Variants in GPC6 observed in about 807,000 individuals in gnomAD.
GPC6 encodes glypican-6.
Under a neutral mutation model 55.2 loss-of-function variants are expected in GPC6, and 14 were observed. The ratio of observed to expected loss-of-function variants is 0.25; its 90% CI spans 0.17 to 0.40. The LOEUF is 0.40. GPC6 is among the 10% of genes least tolerant of loss of function. The probability of loss-of-function intolerance (pLI) is 1.00; values close to 1 mark genes in which losing one functional copy is unlikely to be tolerated. For synonymous variants in GPC6, 278 were observed against 259.6 expected, an observed-to-expected ratio of 1.07 and a Z score of -0.68; for missense variants, 641 against 708.5, an observed-to-expected ratio of 0.90 and a Z score of 1.08.
intron 2 of GPC6, among the ~76,000 whole-genome samples, chr13:93,719,823 T>G (rs1883389027): frequency 6.6e-6 from 1 of 152,170 alleles, no homozygotes; most frequent in Non-Finnish European, 1.5e-5. Flanking sequence ...AGGCCTTTTC[T>G]GCATCTATTG....
At chr13:93,685,316 G>T (rs1015806370) in intron 2 of GPC6, among the ~76,000 whole-genome samples, 1 of 152,126 alleles carries the variant, frequency 6.6e-6, no homozygotes, top group Non-Finnish European at 1.5e-5. Context: ...CAAGTCTCAC[G>T]CTTTGTGAGG....
chr13:93,406,767 C>T (rs1876304722), intron 1 of GPC6, among the ~76,000 whole-genome samples: 1 of 152,046 alleles, frequency 6.6e-6, no homozygotes, highest in African/African-American at 2.4e-5. Context: ...TATGCAACTC[C>T]CATGTACCAT....
intron 4 of GPC6, among the ~76,000 whole-genome samples, chr13:94,068,882 G>A (rs942507352): frequency 2.0e-5 from 3 of 152,116 alleles, no homozygotes; most frequent in Non-Finnish European, 4.4e-5. Flanking sequence ...TCCCTTCACG[G>A]GCTAGCATTG....
At chr13:93,529,664 C>T (rs1403951183) in intron 1 of GPC6, among the ~76,000 whole-genome samples, 3 of 151,520 alleles carry the variant, frequency 2.0e-5, no homozygotes, top group African/African-American at 4.9e-5. Flanking sequence ...TTACAGGTGC[C>T]CGCCACCACG....
chr13:93,762,453 A>C (rs1884985533), intron 2 of GPC6, among the ~76,000 whole-genome samples: 1 of 152,176 alleles, frequency 6.6e-6, no homozygotes, highest in Admixed American at 6.6e-5. Flanking sequence ...ACCTGTGGTC[A>C]GTGTAAAAGC....
intron 4 of GPC6, among the ~76,000 whole-genome samples, chr13:94,046,031 G>A (rs1236737259): frequency 1.3e-5 from 2 of 151,858 alleles, no homozygotes; most frequent in African/African-American, 4.8e-5. Context: ...TGCTAGATTT[G>A]GCTCACACAA....
chr13:94,328,903 G>T (rs1246396420), intron 6 of GPC6, among the ~76,000 whole-genome samples: 2 of 152,160 alleles, frequency 1.3e-5, no homozygotes, highest in Non-Finnish European at 2.9e-5. Context: ...AACTGCAGAG[G>T]CCCTGCAGTC....
chr13:94,355,311 C>T (rs946399435), intron 6 of GPC6, among the ~76,000 whole-genome samples: 9 of 148,408 alleles, frequency 6.1e-5, no homozygotes, highest in East Asian at 2.2e-4. Context: ...GGGTGAGCCA[C>T]GGCGCCCGGC....
At chr13:93,434,747 G>A (rs930515312) in intron 1 of GPC6, among the ~76,000 whole-genome samples, 80 of 152,128 alleles carry the variant, frequency 5.3e-4, no homozygotes, top group African/African-American at 1.9e-3. Flanking sequence ...TCGTTCTGTC[G>A]CCAGGCTGGA....
At chr13:94,163,301 A>G (rs1888232538) in intron 4 of GPC6, among the ~76,000 whole-genome samples, 1 of 151,354 alleles carries the variant, frequency 6.6e-6, no homozygotes, top group Admixed American at 6.6e-5. Flanking sequence ...CGTGCTGGCC[A>G]GTTTTGTTTC....
intron 6 of GPC6, among the ~76,000 whole-genome samples, chr13:94,379,313 G>A (rs1166605485): frequency 6.6e-6 from 1 of 152,080 alleles, no homozygotes; most frequent in Non-Finnish European, 1.5e-5. Context: ...CAGGTGAATT[G>A]GCCAGTGTTT....
chr13:94,058,300 T>A (rs1374127299), intron 4 of GPC6, among the ~76,000 whole-genome samples: 1 of 152,228 alleles, frequency 6.6e-6, no homozygotes, highest in Non-Finnish European at 1.5e-5. Flanking sequence ...ATTTTTTCCA[T>A]CTGCCAATGG....
intron 7 of GPC6, among the ~76,000 whole-genome samples, chr13:94,393,889 G>A (rs1158491146): frequency 6.6e-6 from 1 of 152,106 alleles, no homozygotes; most frequent in Non-Finnish European, 1.5e-5. Flanking sequence ...TATCAACAGG[G>A]TCTTTCTGGA....
chr13:94,027,672 T>C (rs1216401468), intron 3 of GPC6, 57 bp from the exon 4 acceptor site: 2 of 1,513,086 alleles, frequency 1.3e-6, no homozygotes, highest in African/African-American at 1.4e-5. Context: ...TGTCTTTTTT[T>C]CCTCCTCTTT....
chr13:93,814,054 A>AC (rs1886776231), intron 2 of GPC6, among the ~76,000 whole-genome samples: 2 of 151,916 alleles, frequency 1.3e-5, no homozygotes, highest in African/African-American at 4.8e-5. Flanking sequence ...TTTCTTTTCC[A>AC]TTTTCTTATT....
intron 2 of GPC6, among the ~76,000 whole-genome samples, chr13:93,758,669 G>T (rs192272625): frequency 6.6e-6 from 1 of 151,564 alleles, no homozygotes; most frequent in African/African-American, 2.4e-5. Context: ...AATGCCAAGG[G>T]TTATGTTTTC....
chr13:94,273,518 T>C (rs749888745), intron 4 of GPC6, among the ~76,000 whole-genome samples: 1 of 152,184 alleles, frequency 6.6e-6, no homozygotes, highest in African/African-American at 2.4e-5. Context: ...GGACAAAAAA[T>C]GCTTTGTCTC....
chr13:94,254,402 G>C (rs1176200626), intron 4 of GPC6, among the ~76,000 whole-genome samples: 1 of 152,076 alleles, frequency 6.6e-6, no homozygotes, highest in Non-Finnish European at 1.5e-5. Flanking sequence ...GAATTATTCA[G>C]TGTGGGTCAA....
chr13:93,860,431 T>C (rs929183951), intron 3 of GPC6, among the ~76,000 whole-genome samples: 5 of 151,668 alleles, frequency 3.3e-5, no homozygotes. Context: ...AAAGGCTCAT[T>C]TTCATCTTTT....
Sources: allele counts gnomAD v4.1 joint callset (sites outside exome capture counted in the v4.1 genomes callset), GRCh38; gene constraint gnomAD v4.1.1; transcripts MANE v1.5; gene names NCBI Gene and HGNC (gene_info 2026-07-23, HGNC 2026-07-21).